The following EFHB variants were observed in gnomAD, a reference collection of about 807,000 sequenced individuals.
EFHB encodes EF-hand domain-containing family member B.
A neutral mutation model predicts 87.2 loss-of-function variants in EFHB; 91 were observed. The observed-to-expected ratio is 1.04, with a 90% CI of 0.88 to 1.24. The LOEUF (loss-of-function observed/expected upper bound fraction) is 1.24, where lower values mean the gene tolerates loss of function less well. EFHB is among the 50% of genes most tolerant of loss of function. The pLI is 0.00. For missense variants in EFHB, 1,084 were observed against 998.8 expected (o/e 1.09, Z -1.15); for synonymous variants, 325 against 333.6 (o/e 0.97, Z 0.28).
rs760921345 is a variant in EFHB, at chr3:19,933,238, A to G, written c.781T>C (p.Trp261Arg). The change falls in exon 1 of 13, where the codon TGG becomes CGG. Residue 261 changes from tryptophan to arginine, a missense_variant. Transcript: ENST00000295824. ...SGKFFDRTPC[W>R]PSAGKVIPVG... ...AGTGGAAAAAAACTTACACTTGGCC[A>G]GCAAGGGGTCCGATCAAAAAACTTC... is the stretch of plus-strand genomic sequence containing the variant. The G allele has an allele frequency of 6.2e-7, 1 of 1,612,080 alleles. No homozygotes were observed.
At chr3:19,923,082 A>G (rs1004132017) in intron 1 of EFHB, among the ~76,000 whole-genome samples, 3 of 152,086 alleles carry the variant, frequency 2.0e-5, no homozygotes, top group Non-Finnish European at 1.5e-5. Context: ...TCTGACCAAC[A>G]TGATGAAACC....
chr3:19,901,579 G>A (rs2931389), intron 6 of EFHB, among the ~76,000 whole-genome samples: 60,436 of 152,010 alleles, frequency 0.4, 12,240 homozygotes, highest in African/African-American at 0.44. Flanking sequence ...TGGCGGGGGG[G>A]AAGAATGTAG....
At chr3:19,902,267 C>T (rs1694696568) in intron 6 of EFHB, among the ~76,000 whole-genome samples, 1 of 152,156 alleles carries the variant, frequency 6.6e-6, no homozygotes, top group African/African-American at 2.4e-5. Context: ...ATGACTCAAA[C>T]CAAAGTTTGA....
intron 1 of EFHB, chr3:19,940,475 G>A (rs966079312): frequency 1.2e-5 from 6 of 501,122 alleles, no homozygotes; most frequent in Non-Finnish European, 2.4e-5. Flanking sequence ...CGCCTGACAA[G>A]AATCTTCTGT....
chr3:19,905,514 A>C, intron 6 of EFHB, 106 bp downstream of exon 6: 12 of 1,249,308 alleles, frequency 9.6e-6, no homozygotes, highest in Non-Finnish European at 1.3e-5. Context: ...TCTTGTTTGA[A>C]CCATATCATT....
intron 9 of EFHB, among the ~76,000 whole-genome samples, chr3:19,894,300 G>T (rs1003498740): frequency 6.6e-6 from 1 of 152,124 alleles, no homozygotes. Context: ...CAACTGGCTT[G>T]TAAGCTTGCT....
chr3:19,941,398 C>T (rs769966834), intron 1 of EFHB: 126 of 167,072 alleles, frequency 7.5e-4, no homozygotes, highest in Non-Finnish European at 1.3e-3. Context: ...GGATGTCAGA[C>T]AGCTCTCTTA....
At chr3:19,899,628 T>C in intron 6 of EFHB, 113 bp from the exon 7 acceptor site, 1 of 627,626 alleles carries the variant, frequency 1.6e-6, no homozygotes, top group Non-Finnish European at 2.5e-6. Flanking sequence ...GGAACAAATG[T>C]AGTTTCAAAA....
At chr3:19,918,533 A>T (rs1044094791) in intron 3 of EFHB, 121 bp from the exon 4 acceptor site, 30 of 959,780 alleles carry the variant, frequency 3.1e-5, no homozygotes, top group Non-Finnish European at 4.2e-5. Context: ...TTTCATTATC[A>T]TTATTGGCTT....
intron 1 of EFHB, among the ~76,000 whole-genome samples, chr3:19,945,235 T>C (rs1374887676): frequency 1.3e-5 from 2 of 151,186 alleles, no homozygotes; most frequent in East Asian, 1.9e-4. Flanking sequence ...AAATAAAGAG[T>C]ATGGGGAGAG....
intron 5 of EFHB, among the ~76,000 whole-genome samples, chr3:19,912,404 A>G (rs938607894): frequency 1.3e-5 from 2 of 152,212 alleles, no homozygotes; most frequent in African/African-American, 4.8e-5. Flanking sequence ...CAGGCCAAAA[A>G]AAAAGCAGAG....
chr3:19,933,793 T>G lies in EFHB; in HGVS notation c.226A>C (p.Arg76=). 6.2e-7 allele frequency: 1 copy of G among 1,614,010 alleles called. No individual in the cohort carries two copies. The highest frequency in any genetic ancestry group is 2.2e-5 in the East Asian group (1 of 44,884). The change falls in exon 1 of 13, where the codon AGA becomes CGA. Residue 76 remains arginine, a synonymous_variant. Coordinates refer to ENST00000295824, the MANE Select transcript of EFHB (RefSeq NM_144715.4). The part of the protein sequence containing the change: ...LSKGLEMGLE[R]QNISRTVMQR... ...ATGACAGTCCTAGAAATATTCTGTC[T>G]TTCTAATCCCATTTCAAGCCCCTTG...
chr3:19,940,552 T>C (rs536520649), intron 1 of EFHB: 9 of 502,216 alleles, frequency 1.8e-5, no homozygotes, highest in East Asian at 5.6e-5. Context: ...GTTGAATTCA[T>C]AGGATTCAAG....
chr3:19,946,653 C>T (rs924269210), intron 1 of EFHB, among the ~76,000 whole-genome samples: 2 of 152,142 alleles, frequency 1.3e-5, no homozygotes, highest in Non-Finnish European at 2.9e-5. Context: ...CCTACCCAAC[C>T]CCAGGGCCAT....
At chr3:19,937,092 C>T (rs1401351953), upstream of EFHB, among the ~76,000 whole-genome samples, 12 of 151,218 alleles carry the variant, frequency 7.9e-5, no homozygotes, top group Non-Finnish European at 1.5e-5. Flanking sequence ...TCACTTGAAC[C>T]GGGGAGGCAG....
At chr3:19,932,439 ACCC>A (rs1695858913) in intron 1 of EFHB, among the ~76,000 whole-genome samples, 1 of 152,024 alleles carries the variant, frequency 6.6e-6, no homozygotes, top group Admixed American at 6.6e-5. Context: ...ATCTCTCAAC[ACCC>A]TGCTGGCTGA....
At chr3:19,915,105 T>A (rs1428844644) in intron 5 of EFHB, among the ~76,000 whole-genome samples, 198 bp downstream of exon 5, 1 of 151,846 alleles carries the variant, frequency 6.6e-6, no homozygotes, top group Non-Finnish European at 1.5e-5. Flanking sequence ...AAAATTTAAA[T>A]AAAATTTTTT....
intron 1 of EFHB, among the ~76,000 whole-genome samples, chr3:19,943,504 A>G (rs1696206036): frequency 2.0e-5 from 3 of 152,182 alleles, no homozygotes; most frequent in Admixed American, 6.5e-5. Flanking sequence ...ATTTTGTGTC[A>G]GTGTTGGGAA....
chr3:19,902,914 C>G (rs996844573), intron 6 of EFHB, among the ~76,000 whole-genome samples: 2 of 151,980 alleles, frequency 1.3e-5, no homozygotes, highest in East Asian at 1.9e-4. Flanking sequence ...CAGTGGCTCA[C>G]GCCTGTAATC....
Sources: gnomAD v4.1 joint callset for allele counts (sites outside exome capture counted in the v4.1 genomes callset) on GRCh38, gnomAD v4.1.1 for gene constraint, MANE v1.5 for transcripts, NCBI Gene and HGNC (gene_info 2026-07-23, HGNC 2026-07-21) for gene names.